THOC2: variants seen among roughly 807,000 people sequenced by gnomAD.
THOC2 encodes the protein THO complex 2.
THOC2 carries 10 observed loss-of-function variants against 128.4 expected under a neutral mutation model. That is an observed-to-expected ratio of 0.08 (90% confidence interval 0.05 to 0.13). The LOEUF is 0.13. Among genes scored for constraint, THOC2 ranks in the 10% least tolerant of loss-of-function variants. The pLI is 1.00. For missense variants in THOC2, 535 were observed against 1,155.7 expected, an observed-to-expected ratio of 0.46 and a Z score of 7.79; for synonymous variants, 393 against 396.9, an observed-to-expected ratio of 0.99 and a Z score of 0.12.
chrX:123,708,329 T>G (rs2147940458), intron 2 of THOC2, among the ~76,000 whole-genome samples: 1 of 111,868 alleles, frequency 8.9e-6, no homozygotes, highest in African/African-American at 3.2e-5. Flanking sequence ...ATTTTACAAC[T>G]ATATCTACGT....
Position 123,610,962 on chromosome X carries a change from G to A in THOC2, c.4756C>T (p.His1586Tyr), listed in dbSNP as rs775680174. ...SSGGKEEKKHHKSSDKHR is the reference protein window; with the variant it reads ...SSGGKEEKKHYKSSDKHR ...TATCTGTGCTTGTCCGAGGACTTATGAGTAGATGACAAATTAAGGGAAAAC... is the reference window on the plus strand; with the variant it reads ...TATCTGTGCTTGTCCGAGGACTTATAAGTAGATGACAAATTAAGGGAAAAC... The change falls in exon 38 of 39, where the codon CAT becomes TAT. Residue 1586 changes from histidine (H) to tyrosine (Y), a missense_variant and splice_region_variant. Coordinates refer to ENST00000245838, the MANE Select transcript of THOC2 (RefSeq NM_001081550.2). The A allele has an allele frequency of 3.6e-5, 43 of 1,207,680 alleles. No individual in the cohort carries two copies. The highest frequency in any genetic ancestry group is 4.6e-5 in the Non-Finnish European group (41 of 894,025).
At chrX:123,718,231 A>G (rs1439247920) in intron 1 of THOC2, among the ~76,000 whole-genome samples, 1 of 112,311 alleles carries the variant, frequency 8.9e-6, no homozygotes, top group Non-Finnish European at 1.9e-5. Context: ...GGAAAACTTA[A>G]TATCCACATA....
chrX:123,692,023 T>C (rs1383966006), intron 7 of THOC2, among the ~76,000 whole-genome samples: 1 of 111,625 alleles, frequency 9.0e-6, no homozygotes, highest in Non-Finnish European at 1.9e-5. Flanking sequence ...AGCCGAAAAA[T>C]ATTTACTATC....
chrX:123,611,270 G>T, intron 37 of THOC2, 170 bp downstream of exon 37: 1 of 131,742 alleles, frequency 7.6e-6, no homozygotes, highest in African/African-American at 3.2e-5. Context: ...AGAACATCAA[G>T]TATCCCACTT....
chrX:123,636,057 A>T, intron 19 of THOC2, 22 bp downstream of exon 19: 1 of 1,146,584 alleles, frequency 8.7e-7, no homozygotes, highest in Non-Finnish European at 1.2e-6. Flanking sequence ...GAATTTCATT[A>T]TGTATAATTT....
intron 38 of THOC2, chrX:123,601,851 C>T (rs2147494078): frequency 9.0e-6 from 1 of 111,393 alleles, no homozygotes; most frequent in South Asian, 3.7e-4. Flanking sequence ...ACATGATCAA[C>T]AAAAAAAGGA....
intron 19 of THOC2, 151 bp downstream of exon 19, chrX:123,635,928 C>T (rs777407375): frequency 2.3e-5 from 9 of 399,537 alleles, no homozygotes; most frequent in Admixed American, 4.8e-5. Flanking sequence ...TATCATTTAA[C>T]TAAAGAATTT....
At chrX:123,645,964 AT>A (rs2048113569) in intron 12 of THOC2, among the ~76,000 whole-genome samples, 1 of 111,464 alleles carries the variant, frequency 9.0e-6, no homozygotes, top group African/African-American at 3.3e-5. Context: ...AAAAAAAAAA[AT>A]TGTGGCCAGT....
chrX:123,675,169 T>C (rs2049435595), intron 8 of THOC2, among the ~76,000 whole-genome samples: 1 of 112,177 alleles, frequency 8.9e-6, no homozygotes, highest in African/African-American at 3.2e-5. Flanking sequence ...TGCTCAATTC[T>C]ACTGTTGAAC....
At chrX:123,638,526 G>A (rs904636029) in intron 17 of THOC2, among the ~76,000 whole-genome samples, 2 of 110,852 alleles carry the variant, frequency 1.8e-5, no homozygotes, top group Non-Finnish European at 3.8e-5. Context: ...AGGTGTGGTA[G>A]CACACGCCTA....
chrX:123,707,863 C>A (rs1458186812), intron 2 of THOC2, among the ~76,000 whole-genome samples: 3 of 109,635 alleles, frequency 2.7e-5, no homozygotes, highest in Non-Finnish European at 5.7e-5. Flanking sequence ...CGCAGTGGCT[C>A]ACACCTAAAA....
At chrX:123,724,585 T>C (rs1014774914) in intron 1 of THOC2, among the ~76,000 whole-genome samples, 6 of 110,817 alleles carry the variant, frequency 5.4e-5, no homozygotes, top group Non-Finnish European at 1.1e-4. Context: ...CTCTACAGGC[T>C]GAGGCAGGAG....
At chrX:123,665,150 A>T (rs1277660167) in intron 12 of THOC2, among the ~76,000 whole-genome samples, 1 of 111,991 alleles carries the variant, frequency 8.9e-6, no homozygotes, top group Non-Finnish European at 1.9e-5. Context: ...ATATATGACC[A>T]GGGTCATATA....
intron 12 of THOC2, among the ~76,000 whole-genome samples, chrX:123,661,481 T>C (rs2048829475): frequency 9.1e-6 from 1 of 110,026 alleles, no homozygotes; most frequent in African/African-American, 3.3e-5. Flanking sequence ...GAGGATAGAA[T>C]GACAGATAAC....
At chrX:123,686,441 G>T in intron 8 of THOC2, 107 bp downstream of exon 8, 1 of 595,895 alleles carries the variant, frequency 1.7e-6, no homozygotes, top group Non-Finnish European at 2.5e-6. Flanking sequence ...TCTTCTGCTA[G>T]AACACCTGAG....
At chrX:123,604,000 T>G (rs1452658836) in intron 38 of THOC2, 1 of 114,840 alleles carries the variant, frequency 8.7e-6, no homozygotes, top group African/African-American at 3.2e-5. Flanking sequence ...ATTTTTCTTC[T>G]TATTAACATT....
chrX:123,644,886 A>G lies in THOC2; in HGVS notation c.1452T>C (p.Leu484=). Residue 484 remains leucine (L), a synonymous_variant, in exon 14 of 39, where the codon CTT becomes CTC. Transcript: ENST00000245838. ...GAAGTAGTACCTGGTCAGTAATGCT[A>G]AGCAAACAGCTAAGGATAACTTCCT... is the stretch of plus-strand genomic sequence containing the variant. ...EKTEVILSCL[L]SITDQVLLPS... 8.3e-7 allele frequency: 1 copy of G among 1,205,660 alleles called. No homozygotes were observed. The highest frequency in any genetic ancestry group is 1.1e-6 in the Non-Finnish European group (1 of 891,883).
At chrX:123,619,128 TA>T (rs1376798300) in intron 33 of THOC2, among the ~76,000 whole-genome samples, 2 of 112,085 alleles carry the variant, frequency 1.8e-5, no homozygotes, top group African/African-American at 6.5e-5. Context: ...TGAAAAAGCA[TA>T]AAAGGAGAAG....
At chrX:123,606,548 C>G (rs1023774851) in intron 38 of THOC2, among the ~76,000 whole-genome samples, 2 of 111,176 alleles carry the variant, frequency 1.8e-5, no homozygotes, top group Admixed American at 1.9e-4. Flanking sequence ...GAGCCAAGAT[C>G]GCACCACTGC....
Sources: gnomAD v4.1 joint callset for allele counts (sites outside exome capture counted in the v4.1 genomes callset) on GRCh38, gnomAD v4.1.1 for gene constraint, MANE v1.5 for transcripts, NCBI Gene and HGNC (gene_info 2026-07-23, HGNC 2026-07-21) for gene names.